The following SLIT2 variants were observed in gnomAD, a reference collection of about 807,000 sequenced individuals.
SLIT2 encodes slit guidance ligand 2.
SLIT2 carries 41 observed loss-of-function variants against 185.7 expected under a neutral mutation model. That is an observed-to-expected ratio of 0.22 (90% CI 0.17 to 0.29). SLIT2 has a LOEUF of 0.29. Among genes scored for constraint, SLIT2 ranks in the 10% least tolerant of loss-of-function variants. The pLI, the probability that SLIT2 is intolerant of heterozygous loss-of-function variation, is 1.00. For synonymous variants in SLIT2, 693 were observed against 680.2 expected (o/e 1.02, Z -0.29); for missense variants, 1,571 against 1,909.0 (o/e 0.82, Z 3.30).
chr4:20,411,644 G>A (rs1727266837), intron 4 of SLIT2, among the ~76,000 whole-genome samples: 1 of 152,200 alleles, frequency 6.6e-6, no homozygotes, highest in South Asian at 2.1e-4. Context: ...ATATTAGTCT[G>A]TGATAGAGCT....
intron 32 of SLIT2, among the ~76,000 whole-genome samples, chr4:20,597,990 C>T (rs1012215443): frequency 5.9e-5 from 9 of 152,100 alleles, no homozygotes; most frequent in Admixed American, 1.3e-4. Context: ...AGCAGTTTAG[C>T]GAAAATCTGC....
At chr4:20,498,062 A>G (rs1718393787) in intron 9 of SLIT2, among the ~76,000 whole-genome samples, 1 of 152,098 alleles carries the variant, frequency 6.6e-6, no homozygotes, top group African/African-American at 2.4e-5. Flanking sequence ...AGTCCCAGCT[A>G]CTTGGGAGGC....
intron 9 of SLIT2, among the ~76,000 whole-genome samples, chr4:20,497,809 A>C (rs1385542869): frequency 6.6e-6 from 1 of 151,998 alleles, no homozygotes; most frequent in Non-Finnish European, 1.5e-5. Flanking sequence ...TGTTGGGAGC[A>C]GGGGAAGGAG....
chr4:20,366,537 T>C (rs1723130786), intron 4 of SLIT2, among the ~76,000 whole-genome samples: 1 of 152,038 alleles, frequency 6.6e-6, no homozygotes, highest in African/African-American at 2.4e-5. Context: ...CCAAACCATA[T>C]GTGTTGTTGG....
intron 4 of SLIT2, among the ~76,000 whole-genome samples, chr4:20,382,479 C>T (rs1223273837): frequency 6.6e-6 from 1 of 152,052 alleles, no homozygotes; most frequent in East Asian, 1.9e-4. Flanking sequence ...ACCAAGTTAG[C>T]AGTATGCAAG....
At chr4:20,475,286 C>G (rs887125628) in intron 5 of SLIT2, among the ~76,000 whole-genome samples, 3 of 149,816 alleles carry the variant, frequency 2.0e-5, no homozygotes, top group Non-Finnish European at 4.4e-5. Context: ...TAATTAGATT[C>G]TATCCATTTT....
intron 29 of SLIT2, among the ~76,000 whole-genome samples, chr4:20,586,332 C>T (rs1727059167): frequency 6.6e-6 from 1 of 152,056 alleles, no homozygotes; most frequent in African/African-American, 2.4e-5. Context: ...TCTCTAAAGG[C>T]TAGAATGAAA....
intron 4 of SLIT2, among the ~76,000 whole-genome samples, chr4:20,444,289 AAGG>A (rs1442644248): frequency 1.3e-5 from 2 of 152,198 alleles, no homozygotes; most frequent in Admixed American, 1.3e-4. Flanking sequence ...AGGCTCATTT[AAGG>A]AGAATTATTG....
chr4:20,568,873 GT>G lies in SLIT2; in HGVS notation c.2958del (p.Cys986TrpfsTer59). 6.2e-7 allele frequency: 1 copy of G among 1,612,178 alleles called. No individual in the cohort carries two copies. The highest frequency in any genetic ancestry group is 8.5e-7 in the Non-Finnish European group (1 of 1,178,674). Reference sequence around the variant, plus strand: ...TCTCCTCTGGCATTCAGGTGTATTTGTGCTGATGGATTTGAAGGAGAAAATT... The same window carrying G: ...TCTCCTCTGGCATTCAGGTGTATTTGGCTGATGGATTTGAAGGAGAAAATT... ...EGEEDGFWCI[C>X]ADGFEGENCE... On this transcript the variant is annotated frameshift_variant, in exon 29 of 37. Transcript: ENST00000504154. LOFTEE classifies it high-confidence loss of function.
chr4:20,527,462 A>AT (rs1490767528), intron 15 of SLIT2, among the ~76,000 whole-genome samples: 2 of 151,796 alleles, frequency 1.3e-5, no homozygotes, highest in Non-Finnish European at 2.9e-5. Context: ...AATTTTTTGT[A>AT]TTTTTACTGG....
chr4:20,260,378 A>G (rs1160339557), intron 3 of SLIT2, among the ~76,000 whole-genome samples: 1 of 151,862 alleles, frequency 6.6e-6, no homozygotes, highest in African/African-American at 2.4e-5. Flanking sequence ...AATTATGAAA[A>G]AAGTATAAAA....
At chr4:20,607,791 G>A (rs1185487390) in intron 33 of SLIT2, among the ~76,000 whole-genome samples, 2 of 152,056 alleles carry the variant, frequency 1.3e-5, no homozygotes, top group African/African-American at 2.4e-5. Context: ...AGAGAAATGG[G>A]GGGCCTCATT....
intron 4 of SLIT2, among the ~76,000 whole-genome samples, chr4:20,378,334 G>A (rs1724204661): frequency 6.6e-6 from 1 of 152,124 alleles, no homozygotes; most frequent in South Asian, 2.1e-4. Flanking sequence ...GACATTCCTT[G>A]TTGCTAACTT....
At chr4:20,559,552 A>G (rs564428550) in intron 26 of SLIT2, among the ~76,000 whole-genome samples, 1 of 152,112 alleles carries the variant, frequency 6.6e-6, no homozygotes, top group Non-Finnish European at 1.5e-5. Context: ...TGCCAATACT[A>G]CTACCACTAC....
At chr4:20,442,307 C>T (rs921788851) in intron 4 of SLIT2, among the ~76,000 whole-genome samples, 1 of 152,046 alleles carries the variant, frequency 6.6e-6, no homozygotes, top group Non-Finnish European at 1.5e-5. Flanking sequence ...ATCATGAGGT[C>T]AGGAGATCGA....
At chr4:20,598,135 C>T (rs3775833) in intron 32 of SLIT2, 130 bp from the exon 33 acceptor site, 187,467 of 742,784 alleles carry the variant, frequency 0.25, 24,780 homozygotes, top group Non-Finnish European at 0.27. Flanking sequence ...ATTTCAGCAT[C>T]GTTTTCTCAT....
chr4:20,486,977 A>G (rs577861899), intron 7 of SLIT2, among the ~76,000 whole-genome samples: 3 of 152,192 alleles, frequency 2.0e-5, no homozygotes, highest in African/African-American at 7.2e-5. Context: ...ATTGGAAGCA[A>G]AACCAAAGCA....
At chr4:20,470,133 T>C (rs1248303903) in intron 5 of SLIT2, among the ~76,000 whole-genome samples, 1 of 152,088 alleles carries the variant, frequency 6.6e-6, no homozygotes, top group African/African-American at 2.4e-5. Flanking sequence ...ATGAAAGACC[T>C]TTCGAAACAG....
intron 4 of SLIT2, among the ~76,000 whole-genome samples, chr4:20,282,440 A>G (rs895286778): frequency 1.3e-5 from 2 of 152,162 alleles, no homozygotes; most frequent in African/African-American, 4.8e-5. Context: ...TAAAAATAAT[A>G]TGATTCAGTT....
Sources: allele counts gnomAD v4.1 joint callset (sites outside exome capture counted in the v4.1 genomes callset), GRCh38; gene constraint gnomAD v4.1.1; transcripts MANE v1.5; gene names NCBI Gene and HGNC (gene_info 2026-07-23, HGNC 2026-07-21).